The following CCSER1 variants were observed in gnomAD, a reference collection of about 807,000 sequenced individuals.
CCSER1 encodes coiled-coil serine rich protein 1.
A neutral mutation model predicts 82.0 loss-of-function variants in CCSER1; 41 were observed. The ratio of observed to expected loss-of-function variants is 0.50; its 90% confidence interval spans 0.39 to 0.65. The LOEUF (loss-of-function observed/expected upper bound fraction) is 0.65. Among genes scored for constraint, CCSER1 ranks in the 30% least tolerant of loss-of-function variants. The pLI, the probability that CCSER1 is intolerant of heterozygous loss-of-function variation, is 0.00. For missense variants in CCSER1, 1,119 were observed against 1,064.2 expected (o/e 1.05, Z -0.72); for synonymous variants, 414 against 383.9 (o/e 1.08, Z -0.92).
chr4:90,774,420 A>G (rs2149579926), intron 7 of CCSER1, among the ~76,000 whole-genome samples: 1 of 152,180 alleles, frequency 6.6e-6, no homozygotes. Flanking sequence ...GCCTCACACT[A>G]TTAGAAGAGT....
At chr4:90,176,865 G>A (rs1435740717) in intron 1 of CCSER1, among the ~76,000 whole-genome samples, 1 of 152,022 alleles carries the variant, frequency 6.6e-6, no homozygotes, top group Non-Finnish European at 1.5e-5. Flanking sequence ...AGACATCTGT[G>A]TTATTCTCTG....
At chr4:91,419,700 A>T (rs1395906957) in intron 10 of CCSER1, among the ~76,000 whole-genome samples, 1 of 152,052 alleles carries the variant, frequency 6.6e-6, no homozygotes, top group African/African-American at 2.4e-5. Flanking sequence ...AATAGAAAAA[A>T]ATCTAAAATT....
chr4:90,694,907 G>T (rs539199125), intron 6 of CCSER1, among the ~76,000 whole-genome samples: 74 of 151,502 alleles, frequency 4.9e-4, no homozygotes, highest in Admixed American at 9.3e-4. Flanking sequence ...AAGAAAAGAC[G>T]TTTTGAAATC....
intron 10 of CCSER1, among the ~76,000 whole-genome samples, chr4:91,576,519 C>T (rs527833361): frequency 1.3e-3 from 203 of 151,868 alleles, no homozygotes; most frequent in African/African-American, 4.7e-3. Context: ...TGAAATTTGC[C>T]AAGATAGTAG....
In CCSER1 at chr4:91,601,141, G is replaced by A. The variant is rs1219029946; in HGVS notation, c.*2084G>A. ...TATCACAAATAATGTTTTTGATTTG[G>A]ACTTTTGGAGTTGATAGTTTTGTTT... On this transcript the variant is annotated 3_prime_UTR_variant, in exon 11 of 11. Transcript: ENST00000509176. 1.3e-5 allele frequency: 2 copies of A among 151,944 alleles called. No individual in the cohort carries two copies. Among genetic ancestry groups the A allele is most frequent in the East Asian group, 3.9e-4 (2 of 5,182 alleles). 9.4% of individuals were successfully genotyped at this position (151,944 alleles called of 1,614,324 possible).
chr4:90,788,009 A>C (rs1754744831), intron 7 of CCSER1, among the ~76,000 whole-genome samples: 1 of 152,210 alleles, frequency 6.6e-6, no homozygotes, highest in Non-Finnish European at 1.5e-5. Flanking sequence ...AGTTGTGACT[A>C]AAATATGCAC....
intron 10 of CCSER1, among the ~76,000 whole-genome samples, chr4:91,460,026 C>A (rs1756417672): frequency 6.6e-6 from 1 of 152,096 alleles, no homozygotes; most frequent in Non-Finnish European, 1.5e-5. Flanking sequence ...AAATATGTAG[C>A]CCTTCTTCAC....
At chr4:90,380,301 C>T (rs115850841) in intron 3 of CCSER1, among the ~76,000 whole-genome samples, 2,178 of 152,142 alleles carry the variant, frequency 0.014, 70 homozygotes, top group African/African-American at 0.049. Context: ...AAATGAATTC[C>T]TCTCTCTTTA....
intron 8 of CCSER1, among the ~76,000 whole-genome samples, chr4:90,849,934 C>G (rs374880914): frequency 1.3e-5 from 2 of 152,064 alleles, no homozygotes; most frequent in East Asian, 3.9e-4. Flanking sequence ...TTCACAATAG[C>G]CCCTCCCATC....
intron 10 of CCSER1, among the ~76,000 whole-genome samples, chr4:91,367,758 G>A (rs758742249): frequency 6.6e-6 from 1 of 152,028 alleles, no homozygotes; most frequent in Non-Finnish European, 1.5e-5. Flanking sequence ...TTTTTCATGT[G>A]ATGAATATCC....
At chr4:90,444,090 T>C (rs2153574463) in intron 4 of CCSER1, among the ~76,000 whole-genome samples, 1 of 152,164 alleles carries the variant, frequency 6.6e-6, no homozygotes, top group Admixed American at 6.6e-5. Flanking sequence ...ACTATAAAGT[T>C]ATTAACAGAG....
At chr4:91,178,364 C>A (rs891243800) in intron 10 of CCSER1, among the ~76,000 whole-genome samples, 1 of 151,010 alleles carries the variant, frequency 6.6e-6, no homozygotes, top group Non-Finnish European at 1.5e-5. Context: ...CCTGGATATC[C>A]TTGTTAACAT....
chr4:90,564,018 C>A (rs1392291818), intron 5 of CCSER1, among the ~76,000 whole-genome samples: 1 of 152,132 alleles, frequency 6.6e-6, no homozygotes, highest in African/African-American at 2.4e-5. Flanking sequence ...TTTTGATTTG[C>A]CTTTCCCTGA....
intron 10 of CCSER1, among the ~76,000 whole-genome samples, chr4:91,181,039 G>A (rs1019319175): frequency 6.6e-6 from 1 of 152,252 alleles, no homozygotes; most frequent in African/African-American, 2.4e-5. Context: ...CGCCCTGGGA[G>A]GGCCAGATGT....
chr4:90,386,002 T>G (rs1673919190), intron 3 of CCSER1, among the ~76,000 whole-genome samples: 2 of 152,116 alleles, frequency 1.3e-5, no homozygotes, highest in Admixed American at 1.3e-4. Context: ...TGAAACAAAT[T>G]GTAGATAACA....
intron 10 of CCSER1, among the ~76,000 whole-genome samples, chr4:91,307,398 C>G (rs1212454865): frequency 6.6e-6 from 1 of 151,590 alleles, no homozygotes; most frequent in African/African-American, 2.4e-5. Context: ...TATTTTCTAA[C>G]TCATTATTTG....
chr4:90,143,491 T>TACACACACACACACACACAC (rs56859054), intron 1 of CCSER1, among the ~76,000 whole-genome samples: 2 of 141,316 alleles, frequency 1.4e-5, no homozygotes, highest in East Asian at 2.0e-4. Context: ...AGTACACACA[T>TACACACACACACACACACAC]ACACACACAC....
intron 10 of CCSER1, among the ~76,000 whole-genome samples, chr4:91,254,462 A>C (rs891548441): frequency 6.6e-6 from 1 of 152,178 alleles, no homozygotes; most frequent in Non-Finnish European, 1.5e-5. Flanking sequence ...GACAAGTACT[A>C]TCTGATTCTA....
chr4:90,437,514 A>G (rs1759199362), intron 4 of CCSER1, among the ~76,000 whole-genome samples: 1 of 152,204 alleles, frequency 6.6e-6, no homozygotes, highest in Non-Finnish European at 1.5e-5. Context: ...AAAATTGATT[A>G]ATATCTCTGA....
Sources: gnomAD v4.1 joint callset for allele counts (sites outside exome capture counted in the v4.1 genomes callset) on GRCh38, gnomAD v4.1.1 for gene constraint, MANE v1.5 for transcripts, NCBI Gene and HGNC (gene_info 2026-07-23, HGNC 2026-07-21) for gene names.